ZNF804B: variants seen among roughly 807,000 people sequenced by gnomAD.
ZNF804B encodes zinc finger 804B.
In ZNF804B, 80 loss-of-function variants were observed where a neutral mutation model predicts 101.4. That is an observed-to-expected ratio of 0.79 (90% CI 0.66 to 0.95). ZNF804B has a LOEUF of 0.95. ZNF804B is among the 40% of genes least tolerant of loss of function. ZNF804B has a pLI of 0.00. For synonymous variants in ZNF804B, 622 were observed against 558.8 expected (o/e 1.11, Z -1.59); for missense variants, 1,673 against 1,561.9 (o/e 1.07, Z -1.20).
Position 89,171,293 on chromosome 7 carries a change from T to TGCG in ZNF804B, c.109-46862_109-46861insGCG, listed in dbSNP as rs1482525786. ...GCACAAATAATGCTGCTGCTGCTTC[T>TGCG]TCTTCTTCTTCTTCTTCTTCTTCTT... On this transcript the variant is annotated intron_variant, in intron 1 of 3. Coordinates refer to ENST00000333190, the MANE Select transcript of ZNF804B (RefSeq NM_181646.5). Among the ~76,000 whole-genome samples, 69 of 59,508 alleles carry TGCG rather than the reference T, an allele frequency of 1.2e-3. 1 individual carries two copies. Among genetic ancestry groups the TGCG allele is most frequent in the African/African-American group, 4.6e-3 (68 of 14,776 alleles). The allele number at this position is 59,508 out of a possible 152,430, so 39.0% of individuals were successfully genotyped here. A position where few individuals can be genotyped will look rare whatever the true frequency, so the allele number is the denominator to read the frequency against.
intron 1 of ZNF804B, among the ~76,000 whole-genome samples, chr7:88,859,000 A>T (rs189835256): frequency 6.6e-6 from 1 of 152,260 alleles, no homozygotes; most frequent in African/African-American, 2.4e-5. Flanking sequence ...AGGAATGGAT[A>T]TATAAATGAA....
Position 88,817,579 on chromosome 7 carries a change from T to C in ZNF804B, c.108+57495T>C, listed in dbSNP as rs181032360. Among the ~76,000 whole-genome samples, 3 of 152,268 alleles carry C rather than the reference T, an allele frequency of 2.0e-5. No homozygotes were observed. The East Asian group carries it at 5.8e-4, about 29-fold the overall frequency. On this transcript the variant is annotated intron_variant, in intron 1 of 3. Coordinates refer to ENST00000333190, the MANE Select transcript of ZNF804B (RefSeq NM_181646.5). ...TGCATTTATAAAAGTAAATATTTTATTCTAGAATAGCTTCAGGTTTGCAGA... is the reference window on the plus strand; with the variant it reads ...TGCATTTATAAAAGTAAATATTTTACTCTAGAATAGCTTCAGGTTTGCAGA...
chr7:89,214,108 T>C (rs1193356130), intron 1 of ZNF804B, among the ~76,000 whole-genome samples: 1 of 152,186 alleles, frequency 6.6e-6, no homozygotes, highest in East Asian at 1.9e-4. Flanking sequence ...TAAAAAGTAA[T>C]TAAATACTAC....
At chr7:89,000,547 C>T (rs559714282) in intron 1 of ZNF804B, among the ~76,000 whole-genome samples, 80 of 152,008 alleles carry the variant, frequency 5.3e-4, no homozygotes, top group African/African-American at 1.7e-3. Context: ...AATTAGTTTA[C>T]ATGTTTTGCC....
At chr7:89,206,116 A>G (rs1282318954) in intron 1 of ZNF804B, among the ~76,000 whole-genome samples, 1 of 152,212 alleles carries the variant, frequency 6.6e-6, no homozygotes, top group Non-Finnish European at 1.5e-5. Context: ...TGGCTGGAGC[A>G]GCTGGGACAC....
chr7:88,962,739 A>ATATATATATATC (rs1367147068), intron 1 of ZNF804B, among the ~76,000 whole-genome samples: 2 of 135,730 alleles, frequency 1.5e-5, no homozygotes, highest in Non-Finnish European at 3.2e-5. Context: ...ATATATATAT[A>ATATATATATATC]TATATATATG....
intron 2 of ZNF804B, among the ~76,000 whole-genome samples, chr7:89,247,772 A>G (rs1789472664): frequency 6.6e-6 from 1 of 152,174 alleles, no homozygotes; most frequent in Non-Finnish European, 1.5e-5. Flanking sequence ...AAACTCAGAA[A>G]TGACACAAGG....
At chr7:88,916,453 C>T (rs1477266576) in intron 1 of ZNF804B, among the ~76,000 whole-genome samples, 1 of 152,032 alleles carries the variant, frequency 6.6e-6, no homozygotes, top group East Asian at 1.9e-4. Context: ...ACCATAATTG[C>T]ACACTCTATT....
chr7:89,229,313 A>G (rs1450845972), intron 2 of ZNF804B, among the ~76,000 whole-genome samples: 1 of 152,150 alleles, frequency 6.6e-6, no homozygotes, highest in Non-Finnish European at 1.5e-5. Flanking sequence ...AAAAGACTCA[A>G]CTCTGAGATG....
intron 1 of ZNF804B, among the ~76,000 whole-genome samples, chr7:88,982,419 T>C (rs1373772576): frequency 2.0e-5 from 3 of 152,086 alleles, no homozygotes; most frequent in Non-Finnish European, 4.4e-5. Flanking sequence ...ACTGAATGGC[T>C]TAACTAACAG....
chr7:89,024,778 T>C lies in ZNF804B; in HGVS notation c.109-193377T>C, dbSNP rs144281929. Among the ~76,000 whole-genome samples, 758 of 151,196 alleles carry C rather than the reference T, an allele frequency of 5.0e-3. 3 individuals carry two copies. The highest frequency in any genetic ancestry group is 0.017 in the African/African-American group (699 of 41,286). The stretch of plus-strand genomic sequence containing the variant: ...CTGTGTAGTCTATGGAGCCATCAAC[T>C]CCCCATTCTTCTGGTTATACAAAAT... On this transcript the variant is annotated intron_variant, in intron 1 of 3. Coordinates refer to ENST00000333190, the MANE Select transcript of ZNF804B (RefSeq NM_181646.5).
rs1014594778 is a variant in ZNF804B at position 88,860,064 on chromosome 7, T to C, written c.108+99980T>C. 2.0e-5 allele frequency among the ~76,000 whole-genome samples: 3 copies of C among 152,040 alleles called. No individual in the cohort carries two copies. In the East Asian group the frequency reaches 5.8e-4, roughly 29 times the overall value. ...CAAAAATATAATGTTCTCTTGCGTC[T>C]GTTTTCTTTTAAAATCTGGTTACAC... On this transcript the variant is annotated intron_variant, in intron 1 of 3. Transcript: ENST00000333190.
intron 2 of ZNF804B, among the ~76,000 whole-genome samples, chr7:89,286,056 C>T (rs183137567): frequency 6.6e-6 from 1 of 152,236 alleles, no homozygotes; most frequent in East Asian, 1.9e-4. Context: ...AAGGTGTTTC[C>T]ACTAAGAGAC....
At chr7:89,164,194 A>T (rs1791109279) in intron 1 of ZNF804B, among the ~76,000 whole-genome samples, 1 of 152,058 alleles carries the variant, frequency 6.6e-6, no homozygotes, top group African/African-American at 2.4e-5. Flanking sequence ...GAATTACTAT[A>T]TTAAGAAAAC....
At chr7:88,991,539 G>A (rs1793846446) in intron 1 of ZNF804B, among the ~76,000 whole-genome samples, 1 of 152,184 alleles carries the variant, frequency 6.6e-6, no homozygotes, top group Non-Finnish European at 1.5e-5. Flanking sequence ...GAGCTTCTGA[G>A]CTGTGTTCTT....
At chr7:89,245,130 A>G (rs1020416686) in intron 2 of ZNF804B, among the ~76,000 whole-genome samples, 9 of 152,216 alleles carry the variant, frequency 5.9e-5, no homozygotes, top group African/African-American at 1.7e-4. Context: ...AAAGATGTTA[A>G]CATACTGAAA....
At chr7:89,015,020 T>G (rs1788524233) in intron 1 of ZNF804B, among the ~76,000 whole-genome samples, 1 of 152,188 alleles carries the variant, frequency 6.6e-6, no homozygotes, top group South Asian at 2.1e-4. Context: ...TTGAGTTGAT[T>G]TTTTGCATAA....
chr7:88,774,412 A>T (rs1338613788), intron 1 of ZNF804B, among the ~76,000 whole-genome samples: 1 of 151,878 alleles, frequency 6.6e-6, no homozygotes, highest in Admixed American at 6.6e-5. Context: ...ACTAGATTGG[A>T]CCTGGTCTAG....
At chr7:88,967,501 A>C (rs1562846234) in intron 1 of ZNF804B, among the ~76,000 whole-genome samples, 1 of 151,540 alleles carries the variant, frequency 6.6e-6, no homozygotes. Flanking sequence ...ACCAATGGAC[A>C]AGGGACAGAC....
Sources: allele counts gnomAD v4.1 joint callset (sites outside exome capture counted in the v4.1 genomes callset), GRCh38; gene constraint gnomAD v4.1.1; transcripts MANE v1.5; gene names NCBI Gene and HGNC (gene_info 2026-07-23, HGNC 2026-07-21).